Variants in SPEN observed in about 807,000 individuals in gnomAD.
The protein encoded by SPEN is msx2-interacting protein.
In SPEN, 18 loss-of-function variants were observed where a neutral mutation model predicts 269.9. The ratio of observed to expected loss-of-function variants is 0.07; its 90% CI spans 0.05 to 0.10. SPEN has a LOEUF of 0.10. Ranked by LOEUF, SPEN falls within the 10% of genes least tolerant of loss-of-function variation. The pLI is 1.00. For synonymous variants in SPEN, 1,726 were observed against 1,765.7 expected, an observed-to-expected ratio of 0.98 and a Z score of 0.56; for missense variants, 3,822 against 4,631.2, an observed-to-expected ratio of 0.83 and a Z score of 5.07.
intron 3 of SPEN, among the ~76,000 whole-genome samples, chr1:15,891,255 T>C (rs1448597813): frequency 1.3e-5 from 2 of 152,024 alleles, no homozygotes; most frequent in Non-Finnish European, 2.9e-5. Flanking sequence ...GGTGCAATCA[T>C]GGCTCACTGC....
chr1:15,938,943 C>A, intron 14 of SPEN, 67 bp downstream of exon 14: 1 of 1,552,696 alleles, frequency 6.4e-7, no homozygotes, highest in Non-Finnish European at 8.7e-7. Flanking sequence ...GTAGGTGGGC[C>A]TACTCATCTG....
At chr1:15,851,408 A>G (rs934302269) in intron 1 of SPEN, among the ~76,000 whole-genome samples, 1 of 152,208 alleles carries the variant, frequency 6.6e-6, no homozygotes, top group African/African-American at 2.4e-5. Context: ...CAGGGACACA[A>G]TAGAGAAAGT....
At chr1:15,890,931 A>G (rs1046921364) in intron 3 of SPEN, among the ~76,000 whole-genome samples, 2 of 152,124 alleles carry the variant, frequency 1.3e-5, no homozygotes, top group African/African-American at 4.8e-5. Flanking sequence ...GTGTTATAGC[A>G]TTGATCAGTA....
intron 4 of SPEN, among the ~76,000 whole-genome samples, chr1:15,910,781 T>G (rs2071005641): frequency 6.6e-6 from 1 of 152,180 alleles, no homozygotes; most frequent in East Asian, 1.9e-4. Context: ...AATACTATCA[T>G]CTAACAGTTT....
chr1:15,932,077 C>T lies in SPEN; in HGVS notation c.5837C>T (p.Thr1946Ile), dbSNP rs563720913. 5.0e-6 allele frequency: 8 copies of T among 1,614,108 alleles called. No homozygotes were observed. Among genetic ancestry groups the T allele is most frequent in the African/African-American group, 1.3e-5 (1 of 75,046 alleles). The change falls in exon 11 of 15, where the codon ACC becomes ATC. Residue 1946 changes from threonine (T) to isoleucine (I), a missense_variant. Coordinates refer to ENST00000375759, the MANE Select transcript of SPEN (RefSeq NM_015001.3). This position sits in a 1 kb window ranked among gnomAD's most constrained non-coding sequence, Gnocchi z 4.2. ...RELQEAAAVP[T>I]TPRRGRPPKT... ...CTTCAGGAGGCTGCAGCGGTTCCCA[C>T]CACCCCTCGGAGGGGAAGGCCTCCA...
chr1:15,933,453 A>T lies in SPEN; in HGVS notation c.7213A>T (p.Ile2405Phe), dbSNP rs376845365. ...GTCATGTACTTCTGACCTAAGCAAG[A>T]TTCCCTCCACAGAGAATTCGTCCCA... Reference protein sequence around the residue: ...PQSCTSDLSKIPSTENSSQEI... With the variant: ...PQSCTSDLSKFPSTENSSQEI... Residue 2405 changes from isoleucine (I) to phenylalanine (F), a missense_variant, in exon 11 of 15, where the codon ATT becomes TTT. Physicochemically the swap from Ile to Phe is conservative, Grantham distance 21 (BLOSUM62 0). Around this residue, in one of 16 missense-constraint regions of SPEN, gnomAD observed 727 missense variants for 737.9 expected, o/e 0.99. Transcript: ENST00000375759. The surrounding 1 kb of genome is among the most constrained non-coding windows in gnomAD (Gnocchi z 5.7). 3.7e-6 allele frequency: 6 copies of T among 1,613,994 alleles called. No homozygotes were observed. The highest frequency in any genetic ancestry group is 2.7e-5 in the African/African-American group (2 of 74,876).
rs537398541 is a variant in SPEN at position 15,874,303 on chromosome 1, C to T, written c.404+1167C>T. On this transcript the variant is annotated intron_variant, in intron 2 of 14. Coordinates refer to ENST00000375759, the MANE Select transcript of SPEN (RefSeq NM_015001.3). Reference sequence around the variant, plus strand: ...TGCCCATTAAGAAGGTGGATTACCCCCATAAGAGGGGCCAAAATTGGGGAA... The same window carrying T: ...TGCCCATTAAGAAGGTGGATTACCCTCATAAGAGGGGCCAAAATTGGGGAA... 650 of 1,366,436 alleles carry T rather than the reference C, an allele frequency of 4.8e-4. 5 individuals are homozygous for T. Among genetic ancestry groups the T allele is most frequent in the South Asian group, 3.0e-3 (264 of 88,048 alleles). 84.6% of individuals were successfully genotyped at this position (1,366,436 alleles called of 1,614,324 possible).
chr1:15,910,125 A>T (rs1264944579), intron 4 of SPEN, among the ~76,000 whole-genome samples: 1,554 of 59,264 alleles, frequency 0.026, 18 homozygotes, highest in Non-Finnish European at 0.028. Flanking sequence ...CTCTGTCTCT[A>T]AAAAAAAAAA....
chr1:15,901,331 A>AT (rs1387633475), intron 3 of SPEN, among the ~76,000 whole-genome samples: 11 of 151,304 alleles, frequency 7.3e-5, no homozygotes, highest in African/African-American at 2.7e-4. Flanking sequence ...AAAAAATAAA[A>AT]AAATAAAAAA....
chr1:15,920,747 G>T, intron 8 of SPEN, 123 bp from the exon 9 acceptor site: 1 of 384,844 alleles, frequency 2.6e-6, no homozygotes, highest in Non-Finnish European at 4.6e-6. Flanking sequence ...TTTTTTAATA[G>T]AATAAAATAT....
chr1:15,915,983 G>T, intron 5 of SPEN, 145 bp from the exon 6 acceptor site: 1 of 864,114 alleles, frequency 1.2e-6, no homozygotes, highest in Non-Finnish European at 1.7e-6. Context: ...TATTTCTGAA[G>T]GTGTTTATGA....
chr1:15,888,711 C>T (rs537841461), intron 3 of SPEN, among the ~76,000 whole-genome samples: 14 of 148,978 alleles, frequency 9.4e-5, no homozygotes, highest in African/African-American at 3.5e-4. Flanking sequence ...CGGCTCACCG[C>T]GACCTCCACC....
chr1:15,929,130 C>G lies in SPEN; in HGVS notation c.2890C>G (p.Leu964Val), dbSNP rs1256542857. The G allele has an allele frequency of 6.2e-7, 1 of 1,614,070 alleles. No homozygotes were observed. Among genetic ancestry groups the G allele is most frequent in the Admixed American group, 1.7e-5 (1 of 60,002 alleles). ...AGGCAGGCTTAAAGCCAGGAAGCAC[C>G]TCAAGCCTGAGCAGCCTGCAGATGG... Reference protein sequence around the residue: ...KEGRLKARKHLKPEQPADGVS... With the variant: ...KEGRLKARKHVKPEQPADGVS... Residue 964 changes from leucine to valine, a missense_variant, in exon 11 of 15, where the codon CTC (leucine) becomes GTC (valine). Leu to Val is a conservative substitution (Grantham distance 32). Transcript: ENST00000375759. The surrounding 1 kb of genome is among the most constrained non-coding windows in gnomAD (Gnocchi z 5.8).
At chr1:15,874,096 C>G in intron 2 of SPEN, 1 of 1,355,094 alleles carries the variant, frequency 7.4e-7, no homozygotes, top group Non-Finnish European at 9.8e-7. Flanking sequence ...CTGATTCATA[C>G]TTAGGGCTGG....
At chr1:15,874,180 C>T (rs1370184016) in intron 2 of SPEN, 1 of 1,366,392 alleles carries the variant, frequency 7.3e-7, no homozygotes, top group African/African-American at 1.5e-5. Context: ...TTGAGAGTTA[C>T]AGTTTGTCTG....
chr1:15,892,567 G>A (rs1360498053), intron 3 of SPEN, among the ~76,000 whole-genome samples: 2 of 151,860 alleles, frequency 1.3e-5, no homozygotes, highest in African/African-American at 4.8e-5. Flanking sequence ...AAGCCTCTTG[G>A]GACTGTTATG....
chr1:15,871,853 A>C (rs2070578955), intron 1 of SPEN, among the ~76,000 whole-genome samples: 1 of 152,184 alleles, frequency 6.6e-6, no homozygotes, highest in Non-Finnish European at 1.5e-5. Context: ...ATTTTAATAT[A>C]AGTTTTACAG....
chr1:15,909,186 G>A (rs919601288), intron 3 of SPEN, 135 bp from the exon 4 acceptor site: 20 of 837,586 alleles, frequency 2.4e-5, no homozygotes, highest in Non-Finnish European at 3.6e-5. Context: ...GTACGAGATA[G>A]ATGTGTAGAA....
chr1:15,914,775 G>A lies in SPEN; in HGVS notation c.1244-1353G>A, dbSNP rs147501844. Reference sequence around the variant, plus strand: ...GGAGGCAGAGGTTGCAGTGAGCCGAGATTGCTCCGCTGCACTCCAGCCTGG... The same window carrying A: ...GGAGGCAGAGGTTGCAGTGAGCCGAAATTGCTCCGCTGCACTCCAGCCTGG... On this transcript the variant is annotated intron_variant, in intron 5 of 14. Transcript: ENST00000375759. Among the ~76,000 whole-genome samples the A allele has an allele frequency of 2.9e-3, 434 of 152,206 alleles. 3 individuals carry two copies. The highest frequency in any genetic ancestry group is 0.01 in the African/African-American group (419 of 41,526).
Sources: allele counts gnomAD v4.1 joint callset (sites outside exome capture counted in the v4.1 genomes callset), GRCh38; gene constraint gnomAD v4.1.1; regional missense constraint gnomAD v4.1.1; non-coding constraint Gnocchi (gnomAD v3.1); transcripts MANE v1.5; gene names NCBI Gene and HGNC (gene_info 2026-07-23, HGNC 2026-07-21).